The following ASXL3 variants were observed in gnomAD, a reference collection of about 807,000 sequenced individuals.
The protein encoded by ASXL3 is ASXL transcriptional regulator 3.
A neutral mutation model predicts 170.6 loss-of-function variants in ASXL3; 34 were observed. The observed-to-expected ratio is 0.20, with a 90% CI of 0.15 to 0.27. The LOEUF is 0.27. Among genes scored for constraint, ASXL3 ranks in the 10% least tolerant of loss-of-function variants. ASXL3 has a pLI of 1.00. For missense variants in ASXL3, 2,592 were observed against 2,695.3 expected (o/e 0.96, Z 0.85); for synonymous variants, 1,002 against 989.1 (o/e 1.01, Z -0.24).
intron 8 of ASXL3, among the ~76,000 whole-genome samples, chr18:33,728,425 G>A (rs1599550524): frequency 6.6e-6 from 1 of 152,028 alleles, no homozygotes; most frequent in African/African-American, 2.4e-5. Context: ...TTTCTAAATT[G>A]AGTTGCCATT....
intron 2 of ASXL3, 71 bp downstream of exon 2, chr18:33,607,747 G>T: frequency 8.8e-7 from 1 of 1,132,052 alleles, no homozygotes. Context: ...TAAGCGATAG[G>T]TGTATCTAGA....
chr18:33,742,964 C>G lies in ASXL3; in HGVS notation c.3116C>G (p.Thr1039Ser), dbSNP rs1409647973. The G allele has an allele frequency of 1.2e-6, 2 of 1,613,934 alleles. No individual in the cohort carries two copies. The highest frequency in any genetic ancestry group is 1.1e-5 in the South Asian group (1 of 91,086). The change falls in exon 12 of 12, where the codon ACT (threonine) becomes AGT (serine). Residue 1039 changes from threonine to serine, a missense_variant. By Grantham distance (58) the Thr-to-Ser change is moderately conservative (BLOSUM62 1). Coordinates refer to ENST00000269197, the MANE Select transcript of ASXL3 (RefSeq NM_030632.3). ...PVSKPESRASTSTSVSGGRNT... is the reference protein window; with the variant it reads ...PVSKPESRASSSTSVSGGRNT... Reference sequence around the variant, plus strand: ...TCCAAACCTGAGTCTCGAGCATCCACTAGCACATCTGTCAGTGGCGGGAGG... The same window carrying G: ...TCCAAACCTGAGTCTCGAGCATCCAGTAGCACATCTGTCAGTGGCGGGAGG...
At chr18:33,671,710 G>T in intron 6 of ASXL3, 37 bp from the exon 7 acceptor site, 1 of 1,542,184 alleles carries the variant, frequency 6.5e-7, no homozygotes, top group Non-Finnish European at 8.8e-7. Flanking sequence ...AGGACAGCTA[G>T]AGAAGATAAT....
intron 8 of ASXL3, among the ~76,000 whole-genome samples, chr18:33,722,933 A>G (rs1323514901): frequency 6.6e-6 from 1 of 152,142 alleles, no homozygotes; most frequent in East Asian, 1.9e-4. Flanking sequence ...TGCTAAATCT[A>G]TTCTGCCTTT....
At position 33,746,094 on chromosome 18, in the gene ASXL3, A is replaced by T. The variant is rs902703242; in HGVS notation, c.6246A>T (p.Glu2082Asp). 3 of 1,613,356 alleles carry T rather than the reference A, an allele frequency of 1.9e-6. No homozygotes were observed. The highest frequency in any genetic ancestry group is 1.7e-6 in the Non-Finnish European group (2 of 1,179,830). The change falls in exon 12 of 12, where the codon GAA becomes GAT. Residue 2082 changes from glutamate to aspartate, a missense_variant. Physicochemically the swap from Glu to Asp is conservative, Grantham distance 45. Transcript: ENST00000269197. ...GCATATGTAGCAATATAAAATCGGAACCTCTTTCTTTTGAGGAAGGTTTAA... is the reference window on the plus strand; with the variant it reads ...GCATATGTAGCAATATAAAATCGGATCCTCTTTCTTTTGAGGAAGGTTTAA... ...STGICSNIKSEPLSFEEGLSS... is the reference protein window; with the variant it reads ...STGICSNIKSDPLSFEEGLSS...
chr18:33,741,771 G>C (rs1018175269), intron 11 of ASXL3, among the ~76,000 whole-genome samples: 3 of 152,130 alleles, frequency 2.0e-5, no homozygotes, highest in Admixed American at 2.0e-4. Context: ...AAGTCCAAAG[G>C]CTCTAGTCAC....
intron 1 of ASXL3, among the ~76,000 whole-genome samples, chr18:33,579,539 A>G (rs1449355421): frequency 6.6e-6 from 1 of 152,176 alleles, no homozygotes; most frequent in African/African-American, 2.4e-5. Flanking sequence ...CTCTATAGAA[A>G]TGCCGGTTGG....
intron 2 of ASXL3, among the ~76,000 whole-genome samples, chr18:33,631,671 A>G (rs2065679532): frequency 1.3e-5 from 2 of 152,122 alleles, no homozygotes; most frequent in African/African-American, 4.8e-5. Flanking sequence ...GCGACTCTCA[A>G]ACTTGGTTGC....
intron 7 of ASXL3, among the ~76,000 whole-genome samples, chr18:33,677,826 G>C (rs2066452043): frequency 6.6e-6 from 1 of 152,102 alleles, no homozygotes; most frequent in Admixed American, 6.5e-5. Flanking sequence ...TTTGCCTTCT[G>C]ATAGATATTT....
intron 8 of ASXL3, among the ~76,000 whole-genome samples, chr18:33,724,583 A>T (rs1305112465): frequency 6.6e-6 from 1 of 152,066 alleles, no homozygotes; most frequent in East Asian, 1.9e-4. Flanking sequence ...TGAGATACTG[A>T]TGGTTGTTCT....
chr18:33,647,630 A>C (rs754430115), intron 4 of ASXL3, among the ~76,000 whole-genome samples: 8 of 151,986 alleles, frequency 5.3e-5, no homozygotes, highest in Non-Finnish European at 1.0e-4. Flanking sequence ...AGTTGCTCCT[A>C]GTGTGGTACT....
At position 33,744,319 on chromosome 18, in the gene ASXL3, G is replaced by T. The variant is rs751537958; in HGVS notation, c.4471G>T (p.Val1491Phe). The stretch of plus-strand genomic sequence containing the variant: ...CTCCAGTTTGTCTCTGACTGTCTCC[G>T]TTGAAAGCTCAGAAGCCAGCTTGGA... ...LTSSLSLTVS[V>F]ESSEASLDLQ... is the part of the protein sequence containing the mutation. The change falls in exon 12 of 12, where the codon GTT becomes TTT. Residue 1491 changes from valine (V) to phenylalanine (F), a missense_variant. By Grantham distance (50) the Val-to-Phe change is conservative. Coordinates refer to ENST00000269197, the MANE Select transcript of ASXL3 (RefSeq NM_030632.3). 1.2e-5 allele frequency: 19 copies of T among 1,614,000 alleles called. No individual in the cohort carries two copies. Among genetic ancestry groups the T allele is most frequent in the Non-Finnish European group, 1.5e-5 (18 of 1,179,892 alleles).
intron 4 of ASXL3, among the ~76,000 whole-genome samples, chr18:33,651,254 A>C (rs1402066763): frequency 7.2e-5 from 11 of 152,192 alleles, no homozygotes; most frequent in Admixed American, 7.2e-4. Context: ...ATTTCAGGAA[A>C]CTGAACTGCT....
chr18:33,680,338 A>G (rs757716605), intron 7 of ASXL3, among the ~76,000 whole-genome samples: 4 of 152,018 alleles, frequency 2.6e-5, no homozygotes, highest in African/African-American at 7.2e-5. Context: ...GCTGTATATT[A>G]TTCTTCAGTA....
At chr18:33,622,973 A>G (rs916183591) in intron 2 of ASXL3, among the ~76,000 whole-genome samples, 1 of 152,138 alleles carries the variant, frequency 6.6e-6, no homozygotes, top group Non-Finnish European at 1.5e-5. Context: ...GGCTTGATTT[A>G]TATTAAAGAT....
chr18:33,643,889 TTAGGGC>T (rs2065880689), intron 2 of ASXL3, among the ~76,000 whole-genome samples: 2 of 150,150 alleles, frequency 1.3e-5, no homozygotes, highest in African/African-American at 4.9e-5. Flanking sequence ...TGTAGTGGGG[TTAGGGC>T]TTTTAACTAA....
intron 9 of ASXL3, among the ~76,000 whole-genome samples, chr18:33,732,373 G>T (rs2067464951): frequency 6.6e-6 from 1 of 152,064 alleles, no homozygotes; most frequent in South Asian, 2.1e-4. Context: ...AAGCATCCTG[G>T]CACCTAAAGA....
chr18:33,735,104 T>G (rs2067521889), intron 10 of ASXL3, among the ~76,000 whole-genome samples: 1 of 152,196 alleles, frequency 6.6e-6, no homozygotes, highest in Non-Finnish European at 1.5e-5. Flanking sequence ...TGACGGTCAC[T>G]TCAGATCCCC....
intron 1 of ASXL3, among the ~76,000 whole-genome samples, chr18:33,590,464 G>A (rs567360223): frequency 1.3e-5 from 2 of 152,074 alleles, no homozygotes; most frequent in Non-Finnish European, 2.9e-5. Context: ...AAAGGCAGAT[G>A]GAAAGTATGC....
Sources: allele counts gnomAD v4.1 joint callset (sites outside exome capture counted in the v4.1 genomes callset), GRCh38; gene constraint gnomAD v4.1.1; transcripts MANE v1.5; gene names NCBI Gene and HGNC (gene_info 2026-07-23, HGNC 2026-07-21).